Variants in PLCH1 observed in about 807,000 individuals in gnomAD.
PLCH1 encodes phospholipase C eta 1, also known as 1-phosphatidylinositol 4,5-bisphosphate phosphodiesterase eta-1.
Under a neutral mutation model 126.7 loss-of-function variants are expected in PLCH1, and 60 were observed. The ratio of observed to expected loss-of-function variants is 0.47; its 90% CI spans 0.38 to 0.59. PLCH1 has a LOEUF of 0.59. Ranked by LOEUF, PLCH1 falls within the 20% of genes least tolerant of loss-of-function variation. The probability of loss-of-function intolerance (pLI) is 0.00; values close to 1 mark genes in which losing one functional copy is unlikely to be tolerated. For synonymous variants in PLCH1, 719 were observed against 734.9 expected, an observed-to-expected ratio of 0.98 and a Z score of 0.35; for missense variants, 1,723 against 2,040.0, an observed-to-expected ratio of 0.84 and a Z score of 2.99.
In PLCH1 at chr3:155,481,965, A is replaced by G. The variant is rs1714138159; in HGVS notation, c.4061T>C (p.Ile1354Thr). The change falls in exon 23 of 23, where the codon ATT becomes ACT. Residue 1354 changes from isoleucine (I) to threonine (T), a missense_variant. By Grantham distance (89) the Ile-to-Thr change is moderately conservative. Around this residue, in one of 2 missense-constraint regions of PLCH1, gnomAD observed 947 missense variants for 977.1 expected, o/e 0.97. Coordinates refer to ENST00000460012, the MANE Select transcript of PLCH1 (RefSeq NM_014996.4). The surrounding 1 kb of genome is among the most constrained non-coding windows in gnomAD (Gnocchi z 4.2). ...FNSGESSLVE[I>T]DGESENLSLT... Reference sequence around the variant, plus strand: ...AGAAAGATTTTCTGATTCTCCATCAATTTCCACAAGGCTGCTCTCCCCAGA... The same window carrying G: ...AGAAAGATTTTCTGATTCTCCATCAGTTTCCACAAGGCTGCTCTCCCCAGA... 3 of 1,614,120 alleles carry G rather than the reference A, an allele frequency of 1.9e-6. No homozygotes were observed. The highest frequency in any genetic ancestry group is 1.3e-5 in the African/African-American group (1 of 75,008).
At chr3:155,707,230 G>C (rs1746745984) in intron 1 of PLCH1, among the ~76,000 whole-genome samples, 2 of 152,272 alleles carry the variant, frequency 1.3e-5, no homozygotes, top group African/African-American at 4.8e-5. Context: ...AAGCTACCCA[G>C]TTTATGGCAT....
rs569174791 is a variant in PLCH1, at chr3:155,610,364, G to GAAAAAAA, written c.80-13993_80-13987dup. On this transcript the variant is annotated intron_variant, in intron 2 of 22. Transcript: ENST00000460012. ...CAACAAGAGCAAAACTGCGTCTGGA[G>GAAAAAAA]AAAAAAAAAAAAAAAAAAAAAAAAA... is the stretch of plus-strand genomic sequence containing the variant. 2.6e-3 allele frequency among the ~76,000 whole-genome samples: 102 copies of GAAAAAAA among 39,432 alleles called. 5 individuals are homozygous for GAAAAAAA. Among genetic ancestry groups the GAAAAAAA allele is most frequent in the African/African-American group, 7.4e-3 (55 of 7,442 alleles). The allele number at this position is 39,432 out of a possible 152,430, so 25.9% of individuals were successfully genotyped here. A position where few individuals can be genotyped will look rare whatever the true frequency, so the allele number is the denominator to read the frequency against.
At chr3:155,492,972 A>G in intron 17 of PLCH1, 119 bp from the exon 18 acceptor site, 3 of 873,486 alleles carry the variant, frequency 3.4e-6, no homozygotes, top group Non-Finnish European at 4.9e-6. Context: ...ATGATCACAT[A>G]ACTATCAGTG....
At chr3:155,570,731 G>T (rs1729090166) in intron 6 of PLCH1, among the ~76,000 whole-genome samples, 1 of 152,074 alleles carries the variant, frequency 6.6e-6, no homozygotes, top group African/African-American at 2.4e-5. Flanking sequence ...ATCAAATTTG[G>T]ACCTTCTTGA....
At chr3:155,541,989 T>A (rs1462685775) in intron 10 of PLCH1, among the ~76,000 whole-genome samples, 5 of 152,216 alleles carry the variant, frequency 3.3e-5, no homozygotes, top group Non-Finnish European at 4.4e-5. Flanking sequence ...CACTTCCATC[T>A]GAGGTACCGG....
intron 12 of PLCH1, among the ~76,000 whole-genome samples, chr3:155,511,549 C>G (rs1033424721): frequency 7.9e-6 from 1 of 127,336 alleles, no homozygotes; most frequent in East Asian, 2.2e-4. Flanking sequence ...GATGTCCTTT[C>G]TGGTTGTTAG....
At chr3:155,553,233 G>T (rs937603072) in intron 9 of PLCH1, among the ~76,000 whole-genome samples, 5 of 152,148 alleles carry the variant, frequency 3.3e-5, no homozygotes, top group African/African-American at 1.2e-4. Flanking sequence ...TCATGCCTCA[G>T]CCTCCCAAGT....
At chr3:155,572,431 T>C (rs1729341424) in intron 6 of PLCH1, among the ~76,000 whole-genome samples, 1 of 152,098 alleles carries the variant, frequency 6.6e-6, no homozygotes, top group African/African-American at 2.4e-5. Flanking sequence ...TGCTAATTAG[T>C]TTAGTTTAGT....
At chr3:155,721,063 C>A (rs1747913584) in intron 1 of PLCH1, among the ~76,000 whole-genome samples, 1 of 152,160 alleles carries the variant, frequency 6.6e-6, no homozygotes, top group Non-Finnish European at 1.5e-5. Context: ...CTATTCTGCT[C>A]CATTGGTCTA....
At position 155,514,584 on chromosome 3, in the gene PLCH1, A is replaced by G. The variant is rs906180018; in HGVS notation, c.1632+139T>C. Reference sequence around the variant, plus strand: ...TAACTATTTCTCATATCATTTTGCAATAAGAGATTTTCATTTCTCAAGCAA... The same window carrying G: ...TAACTATTTCTCATATCATTTTGCAGTAAGAGATTTTCATTTCTCAAGCAA... On this transcript the variant is annotated intron_variant, in intron 12 of 22. Coordinates refer to ENST00000460012, the MANE Select transcript of PLCH1 (RefSeq NM_014996.4). The G allele has an allele frequency of 1.2e-4, 65 of 535,650 alleles. 1 individual carries two copies. The East Asian group carries it at 2.0e-3, about 16-fold the overall frequency. The allele number at this position is 535,650 out of a possible 1,614,324, so 33.2% of individuals were successfully genotyped here. A position where few individuals can be genotyped will look rare whatever the true frequency, so the allele number is the denominator to read the frequency against.
chr3:155,455,691 G>C (rs949116064), intron 21 of PLCH1, among the ~76,000 whole-genome samples: 4 of 152,336 alleles, frequency 2.6e-5, no homozygotes, highest in Non-Finnish European at 5.9e-5. Context: ...GAGTAAAACA[G>C]GCAAAGCTGT....
intron 2 of PLCH1, among the ~76,000 whole-genome samples, chr3:155,630,247 A>G (rs1737870615): frequency 2.6e-5 from 4 of 152,234 alleles, no homozygotes; most frequent in Admixed American, 1.3e-4. Flanking sequence ...GAATAAAAGC[A>G]GAGACTGATT....
At chr3:155,513,576 A>G (rs896755705) in intron 12 of PLCH1, among the ~76,000 whole-genome samples, 3 of 152,220 alleles carry the variant, frequency 2.0e-5, no homozygotes, top group Non-Finnish European at 4.4e-5. Flanking sequence ...CTGATCTTAC[A>G]GGCACTTGTG....
chr3:155,544,082 A>G (rs922307948), intron 10 of PLCH1, among the ~76,000 whole-genome samples: 2 of 151,292 alleles, frequency 1.3e-5, no homozygotes, highest in African/African-American at 4.8e-5. Context: ...ATTAAAAGAC[A>G]CAGACTGGCA....
At chr3:155,582,640 A>G (rs1730864626) in intron 6 of PLCH1, among the ~76,000 whole-genome samples, 1 of 152,208 alleles carries the variant, frequency 6.6e-6, no homozygotes, top group South Asian at 2.1e-4. Flanking sequence ...CTTAAAATGA[A>G]CAAAGGAGTT....
intron 11 of PLCH1, among the ~76,000 whole-genome samples, chr3:155,515,640 T>C (rs1720209340): frequency 6.6e-6 from 1 of 152,216 alleles, no homozygotes; most frequent in Admixed American, 6.5e-5. Context: ...GGGATATAGA[T>C]TCTCTCAAAG....
At chr3:155,465,209 C>G (rs1023499509) in intron 21 of PLCH1, among the ~76,000 whole-genome samples, 14 of 151,802 alleles carry the variant, frequency 9.2e-5, no homozygotes, top group African/African-American at 2.7e-4. Flanking sequence ...ATGACTAGAT[C>G]TCCTCAAGGC....
intron 4 of PLCH1, 61 bp from the exon 5 acceptor site, chr3:155,586,255 A>G (rs1247943297): frequency 1.9e-6 from 3 of 1,556,588 alleles, no homozygotes; most frequent in Non-Finnish European, 2.6e-6. Flanking sequence ...GCTCTCTCAC[A>G]GAATACTCGC....
At chr3:155,506,502 C>A (rs972554673) in intron 12 of PLCH1, among the ~76,000 whole-genome samples, 3 of 113,472 alleles carry the variant, frequency 2.6e-5, no homozygotes, top group Admixed American at 2.1e-4. Flanking sequence ...TCCCTCCCCC[C>A]TCCCCCCACC....
Sources: gnomAD v4.1 joint callset for allele counts (sites outside exome capture counted in the v4.1 genomes callset) on GRCh38, gnomAD v4.1.1 for gene constraint, gnomAD v4.1.1 regional missense constraint, Gnocchi (gnomAD v3.1) non-coding constraint, MANE v1.5 for transcripts, NCBI Gene and HGNC (gene_info 2026-07-23, HGNC 2026-07-21) for gene names.